CYREN: variants seen among roughly 807,000 people sequenced by gnomAD.
CYREN encodes the protein cell cycle regulator of NHEJ, also known as cell cycle regulator of non-homologous end joining.
A neutral mutation model predicts 9.7 loss-of-function variants in CYREN; 7 were observed. The ratio of observed to expected loss-of-function variants is 0.72; its 90% CI spans 0.41 to 1.36. The LOEUF is 1.36. Among genes scored for constraint, CYREN ranks in the 40% most tolerant of loss-of-function variants. CYREN has a pLI of 0.01. For missense variants in CYREN, 215 were observed against 198.1 expected (o/e 1.09, Z -0.51); for synonymous variants, 76 against 77.9 (o/e 0.98, Z 0.13).
chr7:135,108,334 T>C (rs900398406), intron 2 of CYREN, among the ~76,000 whole-genome samples: 3 of 152,196 alleles, frequency 2.0e-5, no homozygotes, highest in African/African-American at 7.2e-5. Context: ...TTAAGTGTTT[T>C]GGCTGGTATT....
intron 2 of CYREN, among the ~76,000 whole-genome samples, chr7:135,127,541 G>A (rs1828057736): frequency 9.9e-6 from 1 of 100,686 alleles, no homozygotes; most frequent in African/African-American, 3.6e-5. Flanking sequence ...AACAGAGCAA[G>A]TCTCCGTCTA....
intron 2 of CYREN, among the ~76,000 whole-genome samples, chr7:135,159,821 A>T (rs1299747392): frequency 6.6e-6 from 1 of 152,258 alleles, no homozygotes; most frequent in Non-Finnish European, 1.5e-5. Context: ...TTTACTTATT[A>T]TGAAGAAAAA....
intron 2 of CYREN, among the ~76,000 whole-genome samples, chr7:135,123,553 A>T (rs1413523525): frequency 6.6e-6 from 1 of 152,202 alleles, no homozygotes; most frequent in African/African-American, 2.4e-5. Context: ...CATCACTAAG[A>T]TATTCCATGA....
At chr7:135,119,079 G>A (rs1192708303) in intron 2 of CYREN, among the ~76,000 whole-genome samples, 1 of 152,104 alleles carries the variant, frequency 6.6e-6, no homozygotes, top group Admixed American at 6.5e-5. Flanking sequence ...AGAAGGACAG[G>A]AGAATGAATA....
exon 3 of CYREN, chr7:135,092,777 A>C (rs1275290876): frequency 6.6e-6 from 1 of 152,146 alleles, no homozygotes; most frequent in African/African-American, 2.4e-5. Flanking sequence ...TTAGAATGAA[A>C]AAGTAAGAGA....
chr7:135,140,729 T>C (rs1829437251), intron 2 of CYREN, among the ~76,000 whole-genome samples: 1 of 152,060 alleles, frequency 6.6e-6, no homozygotes, highest in Non-Finnish European at 1.5e-5. Context: ...TTTTGAGGTA[T>C]GTTGCCTTGA....
chr7:135,122,996 T>G (rs763510882), intron 2 of CYREN, among the ~76,000 whole-genome samples: 1 of 152,074 alleles, frequency 6.6e-6, no homozygotes. Flanking sequence ...CTCCTCCAAA[T>G]GATCGCAATG....
chr7:135,166,752 C>G lies in CYREN; in HGVS notation c.333G>C (p.Glu111Asp). ...HTSSGSSSEE[E>D]DSGKQALAPG... ...GAGCCAGTGCCTGTTTCCCACTGTC[C>G]TCTTCCTCACTGCTGCTCCCAGAAC... The change falls in exon 4 of 4, where the codon GAG becomes GAC. Residue 111 changes from glutamate to aspartate, a missense_variant. Coordinates refer to ENST00000393114, the MANE Select transcript of CYREN (RefSeq NM_024033.4). The G allele has an allele frequency of 1.2e-6, 2 of 1,614,134 alleles. No individual in the cohort carries two copies. Among genetic ancestry groups the G allele is most frequent in the Non-Finnish European group, 1.7e-6 (2 of 1,180,038 alleles).
At chr7:135,143,908 T>C (rs1194103644) in intron 2 of CYREN, among the ~76,000 whole-genome samples, 2 of 152,184 alleles carry the variant, frequency 1.3e-5, no homozygotes, top group African/African-American at 4.8e-5. Context: ...ACTCCTTCCC[T>C]TCCCCCATGT....
At chr7:135,102,846 T>C (rs1335135151) in intron 2 of CYREN, among the ~76,000 whole-genome samples, 1 of 152,130 alleles carries the variant, frequency 6.6e-6, no homozygotes, top group Non-Finnish European at 1.5e-5. Context: ...TGGGAGAGAA[T>C]CTTTATGGTC....
downstream of CYREN, among the ~76,000 whole-genome samples, chr7:135,163,267 G>A (rs1208164234): frequency 1.3e-5 from 2 of 152,146 alleles, no homozygotes; most frequent in Non-Finnish European, 2.9e-5. Context: ...CATCAGTACA[G>A]GAAGAAAATA....
At chr7:135,129,290 G>A in intron 2 of CYREN, 1 of 1,502,116 alleles carries the variant, frequency 6.7e-7, no homozygotes. Flanking sequence ...CCTTGTGCAG[G>A]TTGACCTACC....
chr7:135,166,702 G>A lies in CYREN; in HGVS notation c.383C>T (p.Pro128Leu), dbSNP rs371697903. 1.8e-5 allele frequency: 29 copies of A among 1,613,006 alleles called. No homozygotes were observed. The highest frequency in any genetic ancestry group is 6.7e-5 in the Admixed American group (4 of 59,998). Reference sequence around the variant, plus strand: ...GCTACAGGCAGAGCTGGAACCCCCCGGCCTCTGGGAAGGGCTGAGGCCTGG... The same window carrying A: ...GCTACAGGCAGAGCTGGAACCCCCCAGCCTCTGGGAAGGGCTGAGGCCTGG... ...LAPGLSPSQR[P>L]GGSSSACSRS... The change falls in exon 4 of 4, where the codon CCG (proline) becomes CTG (leucine). Residue 128 changes from proline (P) to leucine (L), a missense_variant. Coordinates refer to ENST00000393114, the MANE Select transcript of CYREN (RefSeq NM_024033.4).
intron 2 of CYREN, among the ~76,000 whole-genome samples, chr7:135,118,293 G>T (rs1298945886): frequency 3.3e-5 from 5 of 152,088 alleles, no homozygotes; most frequent in Middle Eastern, 3.2e-3. Context: ...TAGATTCAAA[G>T]TATTAATATA....
intron 2 of CYREN, among the ~76,000 whole-genome samples, chr7:135,107,016 A>G (rs1249010335): frequency 6.6e-6 from 1 of 152,140 alleles, no homozygotes; most frequent in African/African-American, 2.4e-5. Flanking sequence ...TGTTCATAGT[A>G]GTCTCTGATT....
At chr7:135,126,746 C>T (rs1827928498) in intron 2 of CYREN, among the ~76,000 whole-genome samples, 1 of 152,118 alleles carries the variant, frequency 6.6e-6, no homozygotes, top group South Asian at 2.1e-4. Context: ...TTTGACAAAC[C>T]TGACAAAAAC....
intron 2 of CYREN, among the ~76,000 whole-genome samples, chr7:135,107,844 T>G (rs1343457542): frequency 1.3e-5 from 2 of 152,216 alleles, no homozygotes; most frequent in Non-Finnish European, 2.9e-5. Context: ...TGTGGGAATC[T>G]AAGTCTTTTT....
intron 2 of CYREN, among the ~76,000 whole-genome samples, chr7:135,097,586 A>T (rs1823097151): frequency 1.3e-5 from 2 of 152,130 alleles, no homozygotes; most frequent in Non-Finnish European, 2.9e-5. Context: ...CTTACCCACT[A>T]AATGTCTTCC....
rs778814414 is a variant in CYREN, at chr7:135,167,691, CAG to C, written c.213+39_213+40del. 86 of 1,611,664 alleles carry C rather than the reference CAG, an allele frequency of 5.3e-5. No individual in the cohort carries two copies. In the Admixed American group the frequency reaches 1.0e-3, roughly 19 times the overall value. ...ACCAAGGGTCTAGCCTCTGCCCATG[CAG>C]AGTTTCTGGTCATGAGTAAGAGGCT... On this transcript the variant is annotated intron_variant, in intron 3 of 3. Transcript: ENST00000393114.
Sources: gnomAD v4.1 joint callset for allele counts (sites outside exome capture counted in the v4.1 genomes callset) on GRCh38, gnomAD v4.1.1 for gene constraint, MANE v1.5 for transcripts, NCBI Gene and HGNC (gene_info 2026-07-23, HGNC 2026-07-21) for gene names.